USP11: variants seen among roughly 807,000 people sequenced by gnomAD.
USP11 encodes the protein ubiquitin specific peptidase 11.
Under a neutral mutation model 72.8 loss-of-function variants are expected in USP11, and 5 were observed. That is an observed-to-expected ratio of 0.07 (90% CI 0.04 to 0.14). The LOEUF is 0.14. Among genes scored for constraint, USP11 ranks in the 10% least tolerant of loss-of-function variants. USP11 has a pLI of 1.00. For synonymous variants in USP11, 368 were observed against 326.5 expected (o/e 1.13, Z -1.37); for missense variants, 480 against 794.7 (o/e 0.60, Z 4.76).
rs2055447572 is a variant in USP11 at position 47,248,196 on chromosome X, T to TCC, written c.*268_*269dup. ...TAGTCTTTATTTATGGTCGTGCCCT[T>TCC]CCCTCTCCTCAGCCCAGAGTGTTCT... On this transcript the variant is annotated 3_prime_UTR_variant, in exon 21 of 21. Transcript: ENST00000377107. 1 of 362,135 alleles carries TCC rather than the reference T, an allele frequency of 2.8e-6. No homozygotes were observed. The allele number at this position is 362,135 out of a possible 1,213,427, so 29.8% of individuals were successfully genotyped here.
chrX:47,240,678 G>A (rs372449770), intron 6 of USP11, 30 bp downstream of exon 6: 39 of 1,208,835 alleles, frequency 3.2e-5, no homozygotes, highest in South Asian at 1.9e-4. Context: ...GGTCCAGAGC[G>A]GGGGCGTCCC....
Position 47,243,471 on chromosome X carries a change from G to T in USP11, c.1659G>T (p.Glu553Asp). 1 of 1,211,436 alleles carries T rather than the reference G, an allele frequency of 8.3e-7. No homozygotes were observed. The highest frequency in any genetic ancestry group is 1.1e-6 in the Non-Finnish European group (1 of 895,449). Residue 553 changes from glutamate (E) to aspartate (D), a missense_variant, in exon 13 of 21, where the codon GAG (glutamate) becomes GAT (aspartate). Glu to Asp is a conservative substitution (Grantham distance 45). This residue lies in a region of USP11 where 314 missense variants were observed against 556.0 expected (regional missense o/e 0.56). Coordinates refer to ENST00000377107, the MANE Select transcript of USP11 (RefSeq NM_001371072.1). ...TCGTGGTTCCTGTCTACCTGCGGGA[G>T]CGCACCCCTGCCCGTGACTACAACA... ...EDIVVPVYLR[E>D]RTPARDYNNS...
chrX:47,240,411 A>G lies in USP11; in HGVS notation c.642A>G (p.Thr214=), dbSNP rs373900022. The change falls in exon 5 of 21, where the codon ACA becomes ACG. Residue 214 remains threonine (T), a synonymous_variant. Coordinates refer to ENST00000377107, the MANE Select transcript of USP11 (RefSeq NM_001371072.1). ...SEGSLDRLYD[T]HITVLDAALE... The stretch of plus-strand genomic sequence containing the variant: ...GCTCTTTGGATAGGTTGTATGACAC[A>G]CACATCACGGTTCTCGATGCGGCCC... The G allele has an allele frequency of 5.0e-5, 61 of 1,210,069 alleles. No individual in the cohort carries two copies. The highest frequency in any genetic ancestry group is 6.4e-5 in the Non-Finnish European group (57 of 895,250).
chrX:47,246,456 T>A (rs926787647), intron 17 of USP11, among the ~76,000 whole-genome samples: 3 of 111,706 alleles, frequency 2.7e-5, no homozygotes, highest in Non-Finnish European at 5.6e-5. Flanking sequence ...AGTGAATGAA[T>A]GACTAAAATA....
intron 4 of USP11, 53 bp from the exon 5 acceptor site, chrX:47,240,252 T>G (rs2077318055): frequency 1.7e-6 from 2 of 1,190,249 alleles, no homozygotes; most frequent in Admixed American, 2.3e-5. Flanking sequence ...CCAGATGGAT[T>G]GATCATTTTG....
chrX:47,245,148 C>G (rs1216295201), intron 16 of USP11, 62 bp downstream of exon 16: 18 of 1,153,316 alleles, frequency 1.6e-5, no homozygotes, highest in Non-Finnish European at 2.1e-5. Flanking sequence ...CTTCGTACAT[C>G]CTCCCCACAA....
chrX:47,247,596 C>G lies in USP11; in HGVS notation c.2537-15C>G, dbSNP rs756055911. On this transcript the variant is annotated splice_polypyrimidine_tract_variant and intron_variant, in intron 19 of 20. Coordinates refer to ENST00000377107, the MANE Select transcript of USP11 (RefSeq NM_001371072.1). ...GCAGGAAGGGTAGGCGAGGATAACT[C>G]TCCTTCCCTTTCAGACACAACATTT... 9 of 1,210,381 alleles carry G rather than the reference C, an allele frequency of 7.4e-6. No homozygotes were observed. Among genetic ancestry groups the G allele is most frequent in the Non-Finnish European group, 1.0e-5 (9 of 894,540 alleles).
At position 47,240,644 on chromosome X, in the gene USP11, G is replaced by C; in HGVS notation, c.739G>C (p.Val247Leu). 8.2e-7 allele frequency: 1 copy of C among 1,212,258 alleles called. No individual in the cohort carries two copies. The highest frequency in any genetic ancestry group is 1.1e-6 in the Non-Finnish European group (1 of 895,609). ...CACTTGGCCCAGCGCACAGCTGCAT[G>C]TCATGTGAGCCCTTGGGGTATCTGG... ...DGTWPSAQLHVMNNNMSEEDE... is the reference protein window; with the variant it reads ...DGTWPSAQLHLMNNNMSEEDE... The change falls in exon 6 of 21, where the codon GTC (valine) becomes CTC (leucine). Residue 247 changes from valine (V) to leucine (L), a missense_variant. Val to Leu is a conservative substitution (Grantham distance 32, BLOSUM62 1). This residue lies in a region of USP11 where 80 missense variants were observed against 100.9 expected (regional missense o/e 0.79). Coordinates refer to ENST00000377107, the MANE Select transcript of USP11 (RefSeq NM_001371072.1).
At chrX:47,241,158 C>T in intron 7 of USP11, 119 bp from the exon 8 acceptor site, 1 of 782,225 alleles carries the variant, frequency 1.3e-6, no homozygotes. Flanking sequence ...CCTCTCTCTC[C>T]TCCCTTCCCC....
rs2055400556 is a variant in USP11, at chrX:47,241,132, C to G, written c.847-145C>G. ...CTCGTGAAATCCTAATGCCTTCTCT[C>G]CCCTACTCTCCTGCTCCTCTCTCTC... On this transcript the variant is annotated intron_variant, in intron 7 of 20. Transcript: ENST00000377107. 3 of 638,657 alleles carry G rather than the reference C, an allele frequency of 4.7e-6. No individual in the cohort carries two copies. The Admixed American group carries it at 1.2e-4, about 25-fold the overall frequency. 52.6% of individuals were successfully genotyped at this position (638,657 alleles called of 1,213,427 possible). A position where few individuals can be genotyped will look rare whatever the true frequency, so the allele number is the denominator to read the frequency against.
chrX:47,246,614 C>G (rs763516767), intron 17 of USP11, among the ~76,000 whole-genome samples: 46 of 110,782 alleles, frequency 4.2e-4, no homozygotes, highest in Admixed American at 9.8e-5. Context: ...AGGATTTTAA[C>G]AGGAACAGAG....
chrX:47,241,842 AC>A (rs1324925718), intron 9 of USP11, 143 bp downstream of exon 9: 7 of 837,588 alleles, frequency 8.4e-6, no homozygotes, highest in Non-Finnish European at 1.1e-5. Context: ...CTTACTCTTA[AC>A]CTTAGTTGCA....
intron 1 of USP11, among the ~76,000 whole-genome samples, chrX:47,237,818 G>A: frequency 9.5e-6 from 1 of 105,353 alleles, no homozygotes; most frequent in East Asian, 3.1e-4. Context: ...GTGTGTGTGT[G>A]TGTGTGTGTT....
At chrX:47,242,797 A>G in intron 12 of USP11, 77 bp downstream of exon 12, 1 of 787,046 alleles carries the variant, frequency 1.3e-6, no homozygotes, top group South Asian at 2.2e-5. Flanking sequence ...TGCCTTAACC[A>G]CCTTCTCTCT....
At chrX:47,242,851 G>A (rs2055410542) in intron 12 of USP11, 131 bp downstream of exon 12, 1 of 516,037 alleles carries the variant, frequency 1.9e-6, no homozygotes, top group Non-Finnish European at 3.3e-6. Context: ...CCTGCGCAGA[G>A]CTTCAGCCAC....
Position 47,239,016 on chromosome X carries a change from A to G in USP11, c.177-54A>G, listed in dbSNP as rs1009520031. Reference sequence around the variant, plus strand: ...CAGTCTGTTGGGCATGGGAAGTTGTATAGCTAACCCTCAGCTACCCATGTA... The same window carrying G: ...CAGTCTGTTGGGCATGGGAAGTTGTGTAGCTAACCCTCAGCTACCCATGTA... On this transcript the variant is annotated intron_variant, in intron 1 of 20. Coordinates refer to ENST00000377107, the MANE Select transcript of USP11 (RefSeq NM_001371072.1). The G allele has an allele frequency of 7.7e-6, 7 of 912,803 alleles. No individual in the cohort carries two copies. In the Admixed American group the frequency reaches 1.3e-4, roughly 17 times the overall value. The allele number at this position is 912,803 out of a possible 1,213,427, so 75.2% of individuals were successfully genotyped here. A position where few individuals can be genotyped will look rare whatever the true frequency, so the allele number is the denominator to read the frequency against.
chrX:47,236,576 C>G (rs2055372978), intron 1 of USP11, among the ~76,000 whole-genome samples: 1 of 112,278 alleles, frequency 8.9e-6, no homozygotes, highest in African/African-American at 3.2e-5. Context: ...GAAATTTTCA[C>G]TTTTTCCTTT....
At chrX:47,243,353 C>T (rs377203771) in intron 12 of USP11, 43 bp from the exon 13 acceptor site, 42 of 1,196,537 alleles carry the variant, frequency 3.5e-5, no homozygotes, top group Non-Finnish European at 1.6e-5. Context: ...CAGGGAGTCT[C>T]TGGGGGCCCT....
chrX:47,237,360 AAAAC>A (rs774552305), intron 1 of USP11, among the ~76,000 whole-genome samples: 4 of 110,905 alleles, frequency 3.6e-5, no homozygotes, highest in African/African-American at 9.9e-5. Flanking sequence ...GTGCAGCAAA[AAAAC>A]AAAACCAACA....
Sources: allele counts gnomAD v4.1 joint callset (sites outside exome capture counted in the v4.1 genomes callset), GRCh38; gene constraint gnomAD v4.1.1; regional missense constraint gnomAD v4.1.1; transcripts MANE v1.5; gene names NCBI Gene and HGNC (gene_info 2026-07-23, HGNC 2026-07-21).